Variants in PLA2G4E observed in about 807,000 individuals in gnomAD.
The protein encoded by PLA2G4E is cytosolic phospholipase A2 epsilon.
Under a neutral mutation model 109.1 loss-of-function variants are expected in PLA2G4E, and 84 were observed. The observed-to-expected ratio is 0.77, with a 90% CI of 0.65 to 0.92. The LOEUF is 0.92. PLA2G4E is among the 40% of genes least tolerant of loss of function. The pLI, the probability that PLA2G4E is intolerant of heterozygous loss-of-function variation, is 0.00. For missense variants in PLA2G4E, 1,057 were observed against 1,076.6 expected (o/e 0.98, Z 0.25); for synonymous variants, 469 against 436.1 (o/e 1.08, Z -0.94).
rs146602549 is a variant in PLA2G4E at position 42,016,644 on chromosome 15, G to T, written c.184-2887C>A. Among the ~76,000 whole-genome samples the T allele has an allele frequency of 2.3e-3, 352 of 152,210 alleles. 7 individuals carry two copies. The highest frequency in any genetic ancestry group is 8.0e-3 in the African/African-American group (331 of 41,546). The stretch of plus-strand genomic sequence containing the variant: ...TGAGCCACTGTGCCTGGCCCCTGGG[G>T]CTTAATTCTGATCAGCAACAGAATG... On this transcript the variant is annotated intron_variant, in intron 1 of 19. Transcript: ENST00000399518.
chr15:42,017,423 A>G (rs2068605740), intron 1 of PLA2G4E, among the ~76,000 whole-genome samples: 1 of 152,238 alleles, frequency 6.6e-6, no homozygotes. Flanking sequence ...GCTGCGTGCC[A>G]GCCATGCGCA....
chr15:42,011,121 G>A (rs1470499724), intron 2 of PLA2G4E, among the ~76,000 whole-genome samples: 1 of 127,724 alleles, frequency 7.8e-6, no homozygotes, highest in Non-Finnish European at 1.7e-5. Flanking sequence ...CTTCCGCCTT[G>A]TTCTTCGGGG....
intron 1 of PLA2G4E, among the ~76,000 whole-genome samples, chr15:42,044,123 C>G (rs1889367670): frequency 6.6e-6 from 1 of 152,166 alleles, no homozygotes; most frequent in Non-Finnish European, 1.5e-5. Flanking sequence ...CAACATGGTG[C>G]CTGCTCTTGG....
intron 1 of PLA2G4E, among the ~76,000 whole-genome samples, chr15:42,042,415 A>C (rs904296409): frequency 2.0e-5 from 3 of 152,212 alleles, no homozygotes; most frequent in African/African-American, 7.2e-5. Context: ...TGTAATGTCT[A>C]TACTGAATAC....
chr15:42,022,361 G>A (rs1452081012), intron 1 of PLA2G4E, among the ~76,000 whole-genome samples: 1 of 152,088 alleles, frequency 6.6e-6, no homozygotes, highest in Non-Finnish European at 1.5e-5. Context: ...TTTTTCCGCG[G>A]GTGGGCGGGA....
At chr15:41,983,628 C>A in exon 20 of PLA2G4E, 1 of 849,710 alleles carries the variant, frequency 1.2e-6, no homozygotes. Context: ...TTAGAAAGCC[C>A]AGGCCAACCT....
intron 13 of PLA2G4E, among the ~76,000 whole-genome samples, chr15:41,990,627 A>G (rs920028145): frequency 7.9e-5 from 12 of 152,108 alleles, no homozygotes; most frequent in African/African-American, 2.9e-4. Context: ...ATTTTTTAAA[A>G]AAAATCAGCT....
chr15:42,036,304 G>T (rs567571312), intron 1 of PLA2G4E, among the ~76,000 whole-genome samples: 1 of 152,292 alleles, frequency 6.6e-6, no homozygotes, highest in South Asian at 2.1e-4. Context: ...GGGGAGCAGC[G>T]CGACTGGGGA....
intron 1 of PLA2G4E, among the ~76,000 whole-genome samples, chr15:42,025,379 A>G (rs2068684863): frequency 6.6e-6 from 1 of 152,004 alleles, no homozygotes; most frequent in African/African-American, 2.4e-5. Context: ...TCAGAGTGGG[A>G]GAGTTTATCA....
intron 1 of PLA2G4E, among the ~76,000 whole-genome samples, chr15:42,044,722 C>T (rs11633296): frequency 0.44 from 65,743 of 148,830 alleles, 16,077 homozygotes; most frequent in Admixed American, 0.57. Flanking sequence ...CAACGTGGCA[C>T]GTGTATACAT....
At chr15:41,997,031 C>T (rs940850453) in intron 11 of PLA2G4E, 93 bp downstream of exon 11, 6 of 1,406,316 alleles carry the variant, frequency 4.3e-6, no homozygotes, top group Admixed American at 2.9e-5. Flanking sequence ...ATGGAGGTGG[C>T]GCCTGGGGTA....
intron 1 of PLA2G4E, among the ~76,000 whole-genome samples, chr15:42,029,085 GCTTTT>G (rs550182517): frequency 9.9e-5 from 15 of 152,102 alleles, no homozygotes; most frequent in South Asian, 4.2e-4. Flanking sequence ...CCAGCTTAGT[GCTTTT>G]CTTTTCTTTT....
At chr15:41,984,967 T>C (rs949831274) in intron 18 of PLA2G4E, among the ~76,000 whole-genome samples, 3 of 152,202 alleles carry the variant, frequency 2.0e-5, no homozygotes, top group African/African-American at 2.4e-5. Context: ...CTGTGGGATG[T>C]GCATGGGCTT....
chr15:42,001,012 G>T, intron 7 of PLA2G4E, 145 bp downstream of exon 7: 2 of 769,594 alleles, frequency 2.6e-6, no homozygotes, highest in East Asian at 2.6e-5. Flanking sequence ...ACCCCTGGGG[G>T]TGAGATGATT....
chr15:42,025,437 GA>G (rs1316156346), intron 1 of PLA2G4E, among the ~76,000 whole-genome samples: 1 of 152,094 alleles, frequency 6.6e-6, no homozygotes, highest in Non-Finnish European at 1.5e-5. Context: ...ATCTGGGAGG[GA>G]GAGTTGTGTG....
intron 5 of PLA2G4E, among the ~76,000 whole-genome samples, chr15:42,003,721 G>A (rs1243522173): frequency 6.6e-6 from 1 of 152,196 alleles, no homozygotes; most frequent in Admixed American, 6.5e-5. Flanking sequence ...CTCTTGTCCT[G>A]TCTCCCACCT....
chr15:41,987,209 G>GGTGTGCAGCTGCAGCCCAGACAGGAAGTT lies in PLA2G4E; in HGVS notation c.1969_1997dup (p.Asn667ThrfsTer26). On this transcript the variant is annotated frameshift_variant, in exon 17 of 20. Coordinates refer to ENST00000399518, the Ensembl canonical transcript of PLA2G4E. LOFTEE classifies it high-confidence loss of function. Reference sequence around the variant, plus strand: ...AGAACTGGCCATTCTGGAGGTAGTTGGTGTGCAGCTGCAGCCCAGACAGGA... The same window carrying GGTGTGCAGCTGCAGCCCAGACAGGAAGTT: ...AGAACTGGCCATTCTGGAGGTAGTTGGTGTGCAGCTGCAGCCCAGACAGGAAGTTGTGTGCAGCTGCAGCCCAGACAGGA... 6.2e-7 allele frequency: 1 copy of GGTGTGCAGCTGCAGCCCAGACAGGAAGTT among 1,613,912 alleles called. No homozygotes were observed. Among genetic ancestry groups the GGTGTGCAGCTGCAGCCCAGACAGGAAGTT allele is most frequent in the Non-Finnish European group, 8.5e-7 (1 of 1,179,878 alleles).
rs760486865 is a variant in PLA2G4E, at chr15:41,989,577, G to A, written c.1586-25C>T. ...TCTGCACATGAAGCAGCAGGACGGGGGTCAGTCTCAGGCCAGGGAGCCGTC... is the reference window on the plus strand; with the variant it reads ...TCTGCACATGAAGCAGCAGGACGGGAGTCAGTCTCAGGCCAGGGAGCCGTC... On this transcript the variant is annotated intron_variant, in intron 14 of 19. Coordinates refer to ENST00000399518, the Ensembl canonical transcript of PLA2G4E. 12 of 1,606,568 alleles carry A rather than the reference G, an allele frequency of 7.5e-6. No homozygotes were observed. In the East Asian group the frequency reaches 9.0e-5, roughly 12 times the overall value.
intron 2 of PLA2G4E, chr15:42,010,205 C>T (rs1385124226): frequency 1.9e-6 from 1 of 526,316 alleles, no homozygotes; most frequent in Non-Finnish European, 3.9e-6. Flanking sequence ...AGGCAGGGTG[C>T]CAGCTCTATA....
Sources: gnomAD v4.1 joint callset for allele counts (sites outside exome capture counted in the v4.1 genomes callset) on GRCh38, gnomAD v4.1.1 for gene constraint, MANE v1.5 for transcripts, NCBI Gene and HGNC (gene_info 2026-07-23, HGNC 2026-07-21) for gene names.